Variants in GRIK2 observed in about 807,000 individuals in gnomAD.
GRIK2 encodes the protein glutamate receptor ionotropic, kainate 2.
Under a neutral mutation model 100.3 loss-of-function variants are expected in GRIK2, and 32 were observed. The observed-to-expected ratio is 0.32, with a 90% confidence interval of 0.24 to 0.43. GRIK2 has a LOEUF of 0.43. Among genes scored for constraint, GRIK2 ranks in the 20% least tolerant of loss-of-function variants. The pLI, the probability that GRIK2 is intolerant of heterozygous loss-of-function variation, is 1.00. For synonymous variants in GRIK2, 417 were observed against 389.4 expected, an observed-to-expected ratio of 1.07 and a Z score of -0.83; for missense variants, 843 against 1,114.9, an observed-to-expected ratio of 0.76 and a Z score of 3.47.
At chr6:101,548,348 G>T (rs1776349771) in intron 2 of GRIK2, among the ~76,000 whole-genome samples, 1 of 152,102 alleles carries the variant, frequency 6.6e-6, no homozygotes, top group Non-Finnish European at 1.5e-5. Context: ...GTCAATTTTG[G>T]CTTTTGTTGC....
At chr6:102,051,253 CT>C (rs1562140217) in intron 15 of GRIK2, among the ~76,000 whole-genome samples, 2,855 of 59,150 alleles carry the variant, frequency 0.048, 43 homozygotes, top group Non-Finnish European at 0.065. Flanking sequence ...CCCTCCCTCC[CT>C]TCCTTCCTTC....
intron 7 of GRIK2, among the ~76,000 whole-genome samples, chr6:101,762,488 C>T (rs944068234): frequency 6.6e-6 from 1 of 152,090 alleles, no homozygotes; most frequent in African/African-American, 2.4e-5. Flanking sequence ...CTGCCTGAGC[C>T]TCCCCAAGTG....
intron 7 of GRIK2, among the ~76,000 whole-genome samples, chr6:101,779,164 GT>G (rs974387890): frequency 2.0e-5 from 3 of 151,546 alleles, no homozygotes; most frequent in Admixed American, 6.6e-5. Flanking sequence ...AGATTTTACT[GT>G]TTTTTTTAAT....
At chr6:101,411,610 G>A (rs1775886531) in intron 2 of GRIK2, among the ~76,000 whole-genome samples, 1 of 152,024 alleles carries the variant, frequency 6.6e-6, no homozygotes, top group Admixed American at 6.6e-5. Flanking sequence ...ATGAGCAGCG[G>A]CATCAGCTTT....
chr6:101,948,409 C>A (rs941866603), intron 14 of GRIK2, among the ~76,000 whole-genome samples: 1 of 149,526 alleles, frequency 6.7e-6, no homozygotes, highest in African/African-American at 2.4e-5. Flanking sequence ...TGTTAACCAT[C>A]AGTGCCATTT....
chr6:101,564,939 A>T (rs1777183240), intron 2 of GRIK2, among the ~76,000 whole-genome samples: 1 of 152,132 alleles, frequency 6.6e-6, no homozygotes. Context: ...CCTCATGATT[A>T]TACTCTCTCT....
intron 2 of GRIK2, among the ~76,000 whole-genome samples, chr6:101,540,473 C>T (rs942471008): frequency 3.3e-5 from 5 of 151,834 alleles, no homozygotes; most frequent in Admixed American, 2.0e-4. Context: ...GATTATTTCA[C>T]CTCACATGCC....
chr6:101,937,598 A>T (rs996955992), intron 14 of GRIK2, among the ~76,000 whole-genome samples: 10 of 152,154 alleles, frequency 6.6e-5, no homozygotes, highest in African/African-American at 2.4e-4. Flanking sequence ...TATCTTACAT[A>T]AAAAAACTAA....
At chr6:101,974,902 C>T (rs748631175) in intron 14 of GRIK2, among the ~76,000 whole-genome samples, 5 of 151,562 alleles carry the variant, frequency 3.3e-5, no homozygotes, top group Non-Finnish European at 4.4e-5. Context: ...ATTTAAAAAT[C>T]GAATTGAATT....
At chr6:102,064,164 GTGGGT>G (rs1562149281) in intron 16 of GRIK2, 1 of 585,302 alleles carries the variant, frequency 1.7e-6, no homozygotes, top group African/African-American at 2.0e-5. Context: ...GACACAGTGC[GTGGGT>G]TTCCACCCCT....
intron 7 of GRIK2, among the ~76,000 whole-genome samples, chr6:101,792,303 C>T (rs926613713): frequency 1.2e-4 from 18 of 151,910 alleles, no homozygotes; most frequent in South Asian, 6.2e-4. Context: ...TTCCTAGTCT[C>T]GATGGTCTTT....
chr6:101,419,501 G>C (rs1414102721), intron 2 of GRIK2, among the ~76,000 whole-genome samples: 1 of 152,138 alleles, frequency 6.6e-6, no homozygotes, highest in Non-Finnish European at 1.5e-5. Context: ...GACATGTGAG[G>C]GTGGATTTAG....
At position 101,846,095 on chromosome 6, in the gene GRIK2, C is replaced by A. The variant is rs185696951; in HGVS notation, c.1318-13192C>A. On this transcript the variant is annotated intron_variant, in intron 10 of 16. Transcript: ENST00000369134. Reference sequence around the variant, plus strand: ...AGTTATATGATTCACAATATTTTCTCCCATTCTTTAGTTTGTCTTTTCATT... The same window carrying A: ...AGTTATATGATTCACAATATTTTCTACCATTCTTTAGTTTGTCTTTTCATT... Among the ~76,000 whole-genome samples, 30 of 151,856 alleles carry A rather than the reference C, an allele frequency of 2.0e-4. 1 individual carries two copies. The highest frequency in any genetic ancestry group is 1.2e-4 in the Non-Finnish European group (8 of 67,948).
intron 7 of GRIK2, among the ~76,000 whole-genome samples, chr6:101,715,304 A>T (rs1188739077): frequency 1.3e-5 from 2 of 151,730 alleles, no homozygotes; most frequent in Non-Finnish European, 2.9e-5. Context: ...TCAGGATGCT[A>T]AGTGCTTACC....
intron 2 of GRIK2, among the ~76,000 whole-genome samples, chr6:101,481,715 A>G (rs1582545350): frequency 6.6e-6 from 1 of 152,290 alleles, no homozygotes; most frequent in South Asian, 2.1e-4. Context: ...TTTGCCATGT[A>G]GAAGTGCTTG....
chr6:101,837,098 C>A (rs1344267670), intron 10 of GRIK2, among the ~76,000 whole-genome samples: 4 of 152,116 alleles, frequency 2.6e-5, no homozygotes, highest in Non-Finnish European at 5.9e-5. Context: ...TCCATCATTT[C>A]TCATTGTCTG....
chr6:101,998,807 CTTTTCTTTTTTT>C (rs1296455685), intron 14 of GRIK2, among the ~76,000 whole-genome samples: 3 of 115,776 alleles, frequency 2.6e-5, no homozygotes, highest in African/African-American at 8.8e-5. Flanking sequence ...TTTCTTTTTT[CTTTTCTTTTTTT>C]TTTTTTTTTT....
intron 11 of GRIK2, among the ~76,000 whole-genome samples, chr6:101,863,231 A>G (rs1486073341): frequency 6.6e-6 from 1 of 152,220 alleles, no homozygotes; most frequent in African/African-American, 2.4e-5. Flanking sequence ...CAGCAATGTT[A>G]TCTCAAAGCT....
intron 14 of GRIK2, among the ~76,000 whole-genome samples, chr6:102,033,381 C>T (rs1770099508): frequency 1.3e-5 from 2 of 151,466 alleles, no homozygotes; most frequent in South Asian, 4.1e-4. Context: ...GTCCAGCATG[C>T]TCTTGCTTCC....
Sources: allele counts gnomAD v4.1 joint callset (sites outside exome capture counted in the v4.1 genomes callset), GRCh38; gene constraint gnomAD v4.1.1; transcripts MANE v1.5; gene names NCBI Gene and HGNC (gene_info 2026-07-23, HGNC 2026-07-21).